Variants in TFAP4 observed in about 807,000 individuals in gnomAD.
TFAP4 encodes activating enhancer-binding protein 4.
Under a neutral mutation model 40.4 loss-of-function variants are expected in TFAP4, and 7 were observed. The observed-to-expected ratio is 0.17, with a 90% CI of 0.10 to 0.33. TFAP4 has a LOEUF of 0.33. TFAP4 is among the 10% of genes least tolerant of loss of function. The pLI is 1.00. For synonymous variants in TFAP4, 218 were observed against 181.4 expected, an observed-to-expected ratio of 1.20 and a Z score of -1.62; for missense variants, 374 against 451.1, an observed-to-expected ratio of 0.83 and a Z score of 1.55.
In TFAP4 at chr16:4,272,870, G is replaced by C. The variant is rs1392492231; in HGVS notation, c.-124C>G. The C allele has an allele frequency of 1.8e-6, 1 of 563,118 alleles. No homozygotes were observed. The highest frequency in any genetic ancestry group is 1.9e-5 in the African/African-American group (1 of 51,528). 34.9% of individuals were successfully genotyped at this position (563,118 alleles called of 1,614,324 possible). A position where few individuals can be genotyped will look rare whatever the true frequency, so the allele number is the denominator to read the frequency against. ...CAGAATCGGCCGGTCCCAGATGCTG[G>C]CGGCGGCGGCGGCGGCGAGGGGAGG... On this transcript the variant is annotated 5_prime_UTR_variant, in exon 1 of 7. Transcript: ENST00000204517.
chr16:4,262,211 G>C (rs1179204282), intron 3 of TFAP4, 113 bp downstream of exon 3: 3 of 1,265,342 alleles, frequency 2.4e-6, no homozygotes, highest in Non-Finnish European at 3.4e-6. Context: ...GTGCCTGGAA[G>C]TACTTGTCAG....
intron 1 of TFAP4, among the ~76,000 whole-genome samples, chr16:4,267,890 C>G (rs2141096492): frequency 6.6e-6 from 1 of 152,294 alleles, no homozygotes; most frequent in South Asian, 2.1e-4. Context: ...TCTGACCTGG[C>G]CAGTCTGCTG....
rs771156880 is a variant in TFAP4 at position 4,258,276 on chromosome 16, G to C, written c.823-27C>G. ...TGGACAGGGACGAACCACTGAGAAG[G>C]CTCGGCCGGGGATACATGGCCAGCC... On this transcript the variant is annotated intron_variant, in intron 6 of 6. Coordinates refer to ENST00000204517, the MANE Select transcript of TFAP4 (RefSeq NM_003223.3). 6 of 1,538,080 alleles carry C rather than the reference G, an allele frequency of 3.9e-6. No homozygotes were observed. The African/African-American group carries it at 5.5e-5, about 14-fold the overall frequency.
At chr16:4,264,705 T>G (rs553891109) in intron 1 of TFAP4, 4 of 152,340 alleles carry the variant, frequency 2.6e-5, no homozygotes, top group African/African-American at 9.6e-5. Flanking sequence ...CGGCTGTGTG[T>G]GGCCCAGCCT....
In TFAP4 at chr16:4,260,224, T is replaced by TGGGGGGGGGG; in HGVS notation, c.687_688insCCCCCCCCCC (p.Thr230ProfsTer85). The TGGGGGGGGGG allele has an allele frequency of 4.5e-6, 1 of 223,752 alleles. No homozygotes were observed. The highest frequency in any genetic ancestry group is 7.9e-6 in the Non-Finnish European group (1 of 126,034). The allele number at this position is 223,752 out of a possible 1,614,324, so 13.9% of individuals were successfully genotyped here. A position where few individuals can be genotyped will look rare whatever the true frequency, so the allele number is the denominator to read the frequency against. On this transcript the variant is annotated frameshift_variant, in exon 6 of 7. Coordinates refer to ENST00000204517, the MANE Select transcript of TFAP4 (RefSeq NM_003223.3). LOFTEE classifies it high-confidence loss of function. ...GGCACGATCACCGTGGGGTGGTGGG[T>TGGGGGGGGGG]GGGGGCCGGAGGGGGCAGAAGCTGC...
intron 1 of TFAP4, among the ~76,000 whole-genome samples, chr16:4,271,502 G>A (rs1462815605): frequency 1.3e-5 from 2 of 152,248 alleles, no homozygotes; most frequent in African/African-American, 4.8e-5. Context: ...CCGGGCCCCA[G>A]CGATCAGAGT....
chr16:4,271,028 C>G (rs2053035951), intron 1 of TFAP4, among the ~76,000 whole-genome samples: 1 of 152,244 alleles, frequency 6.6e-6, no homozygotes, highest in Admixed American at 6.5e-5. Context: ...AGTGAGTCCC[C>G]AGAACATAAA....
intron 1 of TFAP4, among the ~76,000 whole-genome samples, chr16:4,271,343 C>G (rs551490101): frequency 2.0e-5 from 3 of 152,220 alleles, no homozygotes; most frequent in Non-Finnish European, 2.9e-5. Context: ...CTGCCTCGGG[C>G]GGCAGAGCAC....
chr16:4,272,633 G>A lies in TFAP4; in HGVS notation c.89+25C>T, dbSNP rs773917935. 6.9e-6 allele frequency: 11 copies of A among 1,584,376 alleles called. No homozygotes were observed. The South Asian group carries it at 1.0e-4, about 15-fold the overall frequency. On this transcript the variant is annotated intron_variant, in intron 1 of 6. Transcript: ENST00000204517. ...GCCGGGGGCTGCAGTGGTAGGAAGG[G>A]GGTGGGGGGAGGAGGAGTACACACC...
chr16:4,268,523 C>T (rs1047048650), intron 1 of TFAP4, among the ~76,000 whole-genome samples: 1 of 152,162 alleles, frequency 6.6e-6, no homozygotes, highest in Admixed American at 6.6e-5. Flanking sequence ...ATAAACACTC[C>T]AAAGCCTTCA....
Position 4,268,796 on chromosome 16 carries a change from G to A in TFAP4, c.89+3862C>T, listed in dbSNP as rs149821372. ...TTTAGTAGAAACAGGGTTTCGTCAT[G>A]TTGCTGAGGCTGGTCTCGAACTCCT... On this transcript the variant is annotated intron_variant, in intron 1 of 6. Transcript: ENST00000204517. Among the ~76,000 whole-genome samples the A allele has an allele frequency of 2.3e-4, 35 of 152,104 alleles. No homozygotes were observed. In the East Asian group the frequency reaches 6.4e-3, roughly 28 times the overall value.
chr16:4,267,441 T>A, intron 1 of TFAP4, among the ~76,000 whole-genome samples: 1 of 152,200 alleles, frequency 6.6e-6, no homozygotes. Context: ...AGGAACAAAA[T>A]TTGGGCACCA....
rs146022068 is a variant in TFAP4 at position 4,267,550 on chromosome 16, A to T, written c.90-4849T>A. Among the ~76,000 whole-genome samples the T allele has an allele frequency of 2.4e-3, 366 of 152,346 alleles. 1 individual carries two copies. Among genetic ancestry groups the T allele is most frequent in the African/African-American group, 8.3e-3 (347 of 41,592 alleles). On this transcript the variant is annotated intron_variant, in intron 1 of 6. Coordinates refer to ENST00000204517, the MANE Select transcript of TFAP4 (RefSeq NM_003223.3). ...GCGTCCCAACCAGACACTTGGAGGC[A>T]TGGGGCATGCCCTTCAAGTCTAGAA... is the stretch of plus-strand genomic sequence containing the variant.
rs2053051280 is a variant in TFAP4, at chr16:4,272,945, G to A, written c.-199C>T. 2.0e-6 allele frequency: 1 copy of A among 508,432 alleles called. No homozygotes were observed. The highest frequency in any genetic ancestry group is 2.0e-5 in the South Asian group (1 of 50,194). 31.5% of individuals were successfully genotyped at this position (508,432 alleles called of 1,614,324 possible). ...GAGGTCTCTCCGGCCTGCCTCCCCG[G>A]GCGTGTGTATGTGTGTGTGTGTGTG... On this transcript the variant is annotated 5_prime_UTR_variant, in exon 1 of 7. Coordinates refer to ENST00000204517, the MANE Select transcript of TFAP4 (RefSeq NM_003223.3).
In TFAP4 at chr16:4,258,043, C is replaced by CT. The variant is rs1567199309; in HGVS notation, c.*11dup. 6.2e-7 allele frequency: 1 copy of CT among 1,607,038 alleles called. No individual in the cohort carries two copies. Among genetic ancestry groups the CT allele is most frequent in the East Asian group, 2.2e-5 (1 of 44,716 alleles). On this transcript the variant is annotated 3_prime_UTR_variant, in exon 7 of 7. Coordinates refer to ENST00000204517, the MANE Select transcript of TFAP4 (RefSeq NM_003223.3). ...CCAGCCCCCAGAAGGGAGAGGAGGG[C>CT]TGGGGGGGTAGTCAGGGAAGCTCCC...
chr16:4,270,954 G>A (rs970960536), intron 1 of TFAP4, among the ~76,000 whole-genome samples: 1 of 152,342 alleles, frequency 6.6e-6, no homozygotes, highest in South Asian at 2.1e-4. Context: ...CTCTTTAAGC[G>A]GAATCAAAAG....
intron 1 of TFAP4, chr16:4,266,686 TA>T: frequency 6.6e-6 from 1 of 152,216 alleles, no homozygotes; most frequent in South Asian, 2.1e-4. Context: ...CTGCACTGAA[TA>T]AAGTGGATTT....
Position 4,258,012 on chromosome 16 carries a change from C to A in TFAP4, c.*43G>T. The stretch of plus-strand genomic sequence containing the variant: ...ATGTCTCTCCCTGTGGCTGCCCCGG[C>A]TCCCTCCAGCCCCCAGAAGGGAGAG... On this transcript the variant is annotated 3_prime_UTR_variant, in exon 7 of 7. Transcript: ENST00000204517. The A allele has an allele frequency of 6.3e-7, 1 of 1,576,396 alleles. No homozygotes were observed. Among genetic ancestry groups the A allele is most frequent in the Non-Finnish European group, 8.6e-7 (1 of 1,161,232 alleles).
At chr16:4,272,509 G>T in intron 1 of TFAP4, 149 bp downstream of exon 1, 1 of 520,028 alleles carries the variant, frequency 1.9e-6, no homozygotes, top group Non-Finnish European at 3.1e-6. Flanking sequence ...GCGCGGACCC[G>T]GCGTGTGGGG....
Sources: gnomAD v4.1 joint callset for allele counts (sites outside exome capture counted in the v4.1 genomes callset) on GRCh38, gnomAD v4.1.1 for gene constraint, MANE v1.5 for transcripts, NCBI Gene and HGNC (gene_info 2026-07-23, HGNC 2026-07-21) for gene names.